ACYP2: variants seen among roughly 807,000 people sequenced by gnomAD.
The protein encoded by ACYP2 is acylphosphatase-2.
A neutral mutation model predicts 11.2 loss-of-function variants in ACYP2; 12 were observed. That is an observed-to-expected ratio of 1.08 (90% CI 0.69 to 1.74). The LOEUF (loss-of-function observed/expected upper bound fraction) is 1.74. ACYP2 is among the 40% of genes most tolerant of loss of function. ACYP2 has a pLI of 0.00. For missense variants in ACYP2, 134 were observed against 101.9 expected, an observed-to-expected ratio of 1.31 and a Z score of -1.35; for synonymous variants, 43 against 32.2, an observed-to-expected ratio of 1.33 and a Z score of -1.13.
intron 6 of ACYP2, among the ~76,000 whole-genome samples, chr2:54,299,717 A>C (rs1321962856): frequency 6.6e-6 from 1 of 152,154 alleles, no homozygotes; most frequent in African/African-American, 2.4e-5. Flanking sequence ...CCACTCCGGG[A>C]AACATCTGAC....
chr2:54,101,688 A>G (rs1424709877), intron 4 of ACYP2, among the ~76,000 whole-genome samples: 1 of 151,742 alleles, frequency 6.6e-6, no homozygotes, highest in Non-Finnish European at 1.5e-5. Context: ...AAAAAAAAAA[A>G]AACTGCCAGG....
intron 2 of ACYP2, among the ~76,000 whole-genome samples, chr2:54,035,512 G>A (rs1383109466): frequency 1.3e-5 from 2 of 151,934 alleles, no homozygotes; most frequent in African/African-American, 4.8e-5. Context: ...TGATCCACCC[G>A]CCTCGGCCTC....
chr2:54,220,800 T>C (rs1434145303), intron 6 of ACYP2, among the ~76,000 whole-genome samples: 1 of 152,248 alleles, frequency 6.6e-6, no homozygotes, highest in Non-Finnish European at 1.5e-5. Context: ...CTTTAGACTC[T>C]CCTCCTTAAT....
At chr2:54,183,421 C>A (rs1178206200) in intron 6 of ACYP2, among the ~76,000 whole-genome samples, 1 of 151,754 alleles carries the variant, frequency 6.6e-6, no homozygotes, top group Non-Finnish European at 1.5e-5. Context: ...AATCTCAGCA[C>A]TTTAGGAGGC....
chr2:54,051,780 C>A, intron 3 of ACYP2: 1 of 474,176 alleles, frequency 2.1e-6, no homozygotes, highest in Non-Finnish European at 3.9e-6. Flanking sequence ...CTCAGTGGCT[C>A]ACACCTGTAA....
chr2:54,242,179 T>C (rs761031082), intron 6 of ACYP2, among the ~76,000 whole-genome samples: 20 of 152,258 alleles, frequency 1.3e-4, no homozygotes, highest in Non-Finnish European at 2.8e-4. Flanking sequence ...GTTCAAACCA[T>C]GCACAGCATT....
intron 6 of ACYP2, among the ~76,000 whole-genome samples, chr2:54,206,514 T>TATCTCTA (rs1422093840): frequency 2.6e-5 from 4 of 152,240 alleles, no homozygotes; most frequent in African/African-American, 9.6e-5. Context: ...TTAGAAACGA[T>TATCTCTA]ATCTCTATTG....
At chr2:54,021,225 A>T (rs1425789861) in intron 2 of ACYP2, among the ~76,000 whole-genome samples, 1 of 152,206 alleles carries the variant, frequency 6.6e-6, no homozygotes, top group Non-Finnish European at 1.5e-5. Context: ...ACTCGGGATG[A>T]TTCAGGTCAG....
At chr2:54,158,533 C>G (rs1236333573) in intron 6 of ACYP2, among the ~76,000 whole-genome samples, 3 of 152,074 alleles carry the variant, frequency 2.0e-5, no homozygotes, top group Non-Finnish European at 4.4e-5. Flanking sequence ...TCACCATGCA[C>G]CAGCAATTCT....
intron 6 of ACYP2, among the ~76,000 whole-genome samples, chr2:54,165,542 C>T (rs1220969210): frequency 7.1e-6 from 1 of 141,824 alleles, no homozygotes; most frequent in Admixed American, 7.1e-5. Flanking sequence ...CTCTCACACA[C>T]ACACACACAC....
chr2:54,117,543 C>G (rs1423994105), intron 4 of ACYP2, among the ~76,000 whole-genome samples: 1 of 152,194 alleles, frequency 6.6e-6, no homozygotes, highest in African/African-American at 2.4e-5. Context: ...TCCTCCTGCA[C>G]TTCGCCTCCC....
At chr2:54,000,240 C>A (rs1390972746) in intron 2 of ACYP2, among the ~76,000 whole-genome samples, 2 of 152,032 alleles carry the variant, frequency 1.3e-5, no homozygotes, top group Non-Finnish European at 2.9e-5. Context: ...AAAAGCTATT[C>A]CCCAGACTCT....
At chr2:54,228,472 T>A (rs1044283334) in intron 6 of ACYP2, among the ~76,000 whole-genome samples, 1 of 152,294 alleles carries the variant, frequency 6.6e-6, no homozygotes, top group East Asian at 1.9e-4. Flanking sequence ...TTACTTAAGG[T>A]CATACGATCT....
chr2:54,025,424 G>C (rs2104549505), intron 2 of ACYP2, among the ~76,000 whole-genome samples: 1 of 152,038 alleles, frequency 6.6e-6, no homozygotes, highest in East Asian at 1.9e-4. Context: ...AGAAAGCCAA[G>C]TACTTACAGC....
chr2:54,160,567 GTGAA>G (rs1682668187), intron 6 of ACYP2, among the ~76,000 whole-genome samples: 1 of 152,200 alleles, frequency 6.6e-6, no homozygotes, highest in Admixed American at 6.5e-5. Flanking sequence ...GGCACATAGA[GTGAA>G]TGGTGACAAG....
chr2:54,104,159 T>A (rs1193055932), intron 4 of ACYP2, among the ~76,000 whole-genome samples: 1 of 152,234 alleles, frequency 6.6e-6, no homozygotes, highest in Non-Finnish European at 1.5e-5. Context: ...ATCTGGCATG[T>A]AGAATTAGGA....
At chr2:54,029,265 G>A (rs925272634) in intron 2 of ACYP2, among the ~76,000 whole-genome samples, 2 of 152,026 alleles carry the variant, frequency 1.3e-5, no homozygotes, top group Non-Finnish European at 2.9e-5. Context: ...AAACTACAGC[G>A]GTGGAGTACC....
chr2:53,973,380 T>A (rs1671269285), intron 1 of ACYP2, among the ~76,000 whole-genome samples: 1 of 152,186 alleles, frequency 6.6e-6, no homozygotes, highest in Non-Finnish European at 1.5e-5. Flanking sequence ...ATATCCCCAG[T>A]GACCTGCATG....
At chr2:54,302,636 G>C (rs1231923946) in intron 6 of ACYP2, among the ~76,000 whole-genome samples, 1 of 152,100 alleles carries the variant, frequency 6.6e-6, no homozygotes, top group East Asian at 1.9e-4. Flanking sequence ...AGGTCCAACT[G>C]CCTACTCACC....
Sources: gnomAD v4.1 joint callset for allele counts (sites outside exome capture counted in the v4.1 genomes callset) on GRCh38, gnomAD v4.1.1 for gene constraint, MANE v1.5 for transcripts, NCBI Gene and HGNC (gene_info 2026-07-23, HGNC 2026-07-21) for gene names.